PLAT: variants seen among roughly 807,000 people sequenced by gnomAD.
PLAT encodes the protein tissue-type plasminogen activator.
In PLAT, 48 loss-of-function variants were observed where a neutral mutation model predicts 74.9. The observed-to-expected ratio is 0.64, with a 90% CI of 0.51 to 0.82. The LOEUF (loss-of-function observed/expected upper bound fraction) is 0.82. Ranked by LOEUF, PLAT falls within the 40% of genes least tolerant of loss-of-function variation. The pLI is 0.00. For synonymous variants in PLAT, 307 were observed against 294.4 expected (o/e 1.04, Z -0.44); for missense variants, 673 against 736.2 (o/e 0.91, Z 0.99).
At chr8:42,197,832 C>T (rs1388303880) in intron 1 of PLAT, among the ~76,000 whole-genome samples, 5 of 152,206 alleles carry the variant, frequency 3.3e-5, no homozygotes, top group South Asian at 2.1e-4. Context: ...AATGTGCTGT[C>T]CTTCCAAAAA....
intron 1 of PLAT, among the ~76,000 whole-genome samples, chr8:42,195,298 C>T (rs1035792828): frequency 3.3e-5 from 5 of 152,176 alleles, no homozygotes; most frequent in African/African-American, 1.2e-4. Context: ...CCCCGGGCTC[C>T]TGTGTCAGGC....
chr8:42,197,242 A>G (rs1227529410), intron 1 of PLAT, among the ~76,000 whole-genome samples: 1 of 152,180 alleles, frequency 6.6e-6, no homozygotes, highest in Non-Finnish European at 1.5e-5. Flanking sequence ...CACAGCCAGC[A>G]TATCTGTGCT....
At chr8:42,197,139 T>C (rs756317652) in intron 1 of PLAT, among the ~76,000 whole-genome samples, 1 of 152,192 alleles carries the variant, frequency 6.6e-6, no homozygotes, top group Non-Finnish European at 1.5e-5. Context: ...TGACAAAGAA[T>C]CTGTGCAAAT....
chr8:42,185,001 G>A (rs8178765), intron 7 of PLAT, 80 bp downstream of exon 7: 2 of 884,874 alleles, frequency 2.3e-6, no homozygotes, highest in African/African-American at 3.4e-5. Flanking sequence ...CCCCTCAGGT[G>A]CAGGAGGGCT....
chr8:42,194,046 CTTTCT>C (rs1805797091), intron 1 of PLAT, among the ~76,000 whole-genome samples: 5 of 52,842 alleles, frequency 9.5e-5, no homozygotes, highest in African/African-American at 4.5e-4. Context: ...CTTCTTTCTT[CTTTCT>C]TTTTTTTTTT....
chr8:42,185,988 C>T (rs1228908248), intron 6 of PLAT: 1 of 151,794 alleles, frequency 6.6e-6, no homozygotes, highest in Admixed American at 6.6e-5. Flanking sequence ...CTTGCCAGCC[C>T]CCACGATCCT....
At chr8:42,178,845 G>A in intron 13 of PLAT, 52 bp downstream of exon 13, 4 of 1,551,844 alleles carry the variant, frequency 2.6e-6, no homozygotes, top group Non-Finnish European at 3.5e-6. Context: ...TGTTGTCCCA[G>A]GGGCATTCTC....
chr8:42,199,268 T>A (rs1385885668), intron 1 of PLAT, among the ~76,000 whole-genome samples: 2 of 152,246 alleles, frequency 1.3e-5, no homozygotes, highest in Non-Finnish European at 2.9e-5. Flanking sequence ...AGGAAGAGTC[T>A]GTTTCTTATC....
At chr8:42,176,627 G>A (rs902794012) in intron 13 of PLAT, among the ~76,000 whole-genome samples, 5 of 152,230 alleles carry the variant, frequency 3.3e-5, no homozygotes, top group African/African-American at 1.2e-4. Context: ...CTAAATACAC[G>A]AATGCATGAT....
intron 13 of PLAT, among the ~76,000 whole-genome samples, chr8:42,178,256 A>G (rs1249613158): frequency 7.4e-6 from 1 of 135,210 alleles, no homozygotes; most frequent in African/African-American, 2.8e-5. Context: ...AGAGGCAAAC[A>G]TTTCTTTCTT....
Position 42,180,255 on chromosome 8 carries a change from G to A in PLAT, c.1209C>T (p.Tyr403=), listed in dbSNP as rs767986898. Residue 403 remains tyrosine (Y), a synonymous_variant, in exon 11 of 14, where the codon TAC becomes TAT. Coordinates refer to ENST00000220809, the MANE Select transcript of PLAT (RefSeq NM_000930.5). ...ACGAGCTCTTACCAATGTCATTGTC[G>A]TAAGTGTCATCATCGAATTCCTTAT... ...IVHKEFDDDT[Y]DNDIALLQLK... is the part of the protein sequence containing the mutation. The A allele has an allele frequency of 1.9e-6, 3 of 1,614,200 alleles. No homozygotes were observed. Among genetic ancestry groups the A allele is most frequent in the Middle Eastern group, 3.3e-4 (2 of 6,060 alleles).
In PLAT at chr8:42,182,803, T is replaced by A; in HGVS notation, c.719A>T (p.Asn240Ile). The change falls in exon 8 of 14, where the codon AAT (asparagine) becomes ATT (isoleucine). Residue 240 changes from asparagine to isoleucine, a missense_variant. Physicochemically the swap from Asn to Ile is moderately radical, Grantham distance 149. Coordinates refer to ENST00000220809, the MANE Select transcript of PLAT (RefSeq NM_000930.5). ...TESGASCLPW[N>I]SMILIGKVYT... ...AACCTTGCCTATCAGGATCATGGAA[T>A]TCCACGGGAGGCAGGAGGCACCCGA... The A allele has an allele frequency of 1.4e-5, 23 of 1,613,894 alleles. No homozygotes were observed. The highest frequency in any genetic ancestry group is 1.9e-5 in the Non-Finnish European group (23 of 1,179,810).
At chr8:42,187,825 G>A (rs1342099114) in intron 5 of PLAT, 81 bp downstream of exon 5, 14 of 1,037,700 alleles carry the variant, frequency 1.3e-5, no homozygotes, top group Admixed American at 1.8e-5. Context: ...CCCTGCCATC[G>A]CACCCTGCCT....
chr8:42,207,339 C>T (rs1156583148), intron 1 of PLAT, among the ~76,000 whole-genome samples, 155 bp downstream of exon 1: 1 of 152,238 alleles, frequency 6.6e-6, no homozygotes, highest in East Asian at 1.9e-4. Flanking sequence ...AAACAGACAT[C>T]TCCCCTCTGG....
intron 1 of PLAT, among the ~76,000 whole-genome samples, chr8:42,206,181 C>A (rs1348034808): frequency 6.6e-6 from 1 of 152,188 alleles, no homozygotes; most frequent in East Asian, 1.9e-4. Flanking sequence ...GAGACAAGGG[C>A]AGCTTTCATT....
chr8:42,178,857 C>A, intron 13 of PLAT, 40 bp downstream of exon 13: 1 of 1,601,044 alleles, frequency 6.2e-7, no homozygotes, highest in Non-Finnish European at 8.5e-7. Flanking sequence ...GGCATTCTCC[C>A]CTGGGTTGTG....
At chr8:42,187,692 A>G in intron 5 of PLAT, 120 bp from the exon 6 acceptor site, 2 of 1,013,458 alleles carry the variant, frequency 2.0e-6, no homozygotes, top group Admixed American at 2.7e-5. Flanking sequence ...CGGAAGCCAC[A>G]GGCTGGGTGG....
At chr8:42,203,700 C>G (rs1015581406) in intron 1 of PLAT, among the ~76,000 whole-genome samples, 6 of 152,114 alleles carry the variant, frequency 3.9e-5, no homozygotes, top group African/African-American at 1.4e-4. Flanking sequence ...CACAGTGGCT[C>G]TTGCCTGTAA....
chr8:42,182,782 T>C lies in PLAT; in HGVS notation c.740A>G (p.Lys247Arg), dbSNP rs1372807117. 9.9e-6 allele frequency: 16 copies of C among 1,613,648 alleles called. No individual in the cohort carries two copies. Among genetic ancestry groups the C allele is most frequent in the Non-Finnish European group, 1.1e-5 (13 of 1,179,772 alleles). Reference sequence around the variant, plus strand: ...ACTGGGGTTCTGTGCTGTGTAAACCTTGCCTATCAGGATCATGGAATTCCA... The same window carrying C: ...ACTGGGGTTCTGTGCTGTGTAAACCCTGCCTATCAGGATCATGGAATTCCA... Reference protein sequence around the residue: ...LPWNSMILIGKVYTAQNPSAQ... With the variant: ...LPWNSMILIGRVYTAQNPSAQ... The change falls in exon 8 of 14, where the codon AAG (lysine) becomes AGG (arginine). Residue 247 changes from lysine to arginine, a missense_variant. Lys to Arg is a conservative substitution (Grantham distance 26). Transcript: ENST00000220809.
Sources: gnomAD v4.1 joint callset for allele counts (sites outside exome capture counted in the v4.1 genomes callset) on GRCh38, gnomAD v4.1.1 for gene constraint, MANE v1.5 for transcripts, NCBI Gene and HGNC (gene_info 2026-07-23, HGNC 2026-07-21) for gene names.